Variants in NCR1 observed in about 807,000 individuals in gnomAD.
The protein encoded by NCR1 is NK cell-activating receptor.
Under a neutral mutation model 32.5 loss-of-function variants are expected in NCR1, and 30 were observed. That is an observed-to-expected ratio of 0.92 (90% CI 0.69 to 1.25). The LOEUF is 1.25. Among genes scored for constraint, NCR1 ranks in the 50% most tolerant of loss-of-function variants. The pLI, the probability that NCR1 is intolerant of heterozygous loss-of-function variation, is 0.00. For missense variants in NCR1, 369 were observed against 380.7 expected, an observed-to-expected ratio of 0.97 and a Z score of 0.26; for synonymous variants, 169 against 143.4, an observed-to-expected ratio of 1.18 and a Z score of -1.28.
At chr19:54,931,493 C>T in the NCR1 span, among the ~76,000 whole-genome samples, 14 of 152,042 alleles carry the variant, frequency 9.2e-5, no homozygotes, top group Non-Finnish European at 1.8e-4. Flanking sequence ...AGTTCAAGAC[C>T]AGCCTAAGCA....
At chr19:54,904,107 C>G (rs1332408484), upstream of NCR1, among the ~76,000 whole-genome samples, 1 of 109,082 alleles carries the variant, frequency 9.2e-6, no homozygotes, top group African/African-American at 3.8e-5. Context: ...GCCTGGGCAA[C>G]AGAGCAAGAC....
At chr19:54,919,183 C>T (rs1477581055), downstream of NCR1, among the ~76,000 whole-genome samples, 3 of 151,956 alleles carry the variant, frequency 2.0e-5, no homozygotes, top group African/African-American at 4.8e-5. Flanking sequence ...TCCCTGTGTG[C>T]GGCGACGAGA....
the NCR1 span, among the ~76,000 whole-genome samples, chr19:54,922,293 T>C: frequency 6.6e-6 from 1 of 152,154 alleles, no homozygotes; most frequent in Non-Finnish European, 1.5e-5. Flanking sequence ...AGTGCTAACA[T>C]CATGGTGACA....
chr19:54,930,408 G>A, the NCR1 span: 3 of 877,460 alleles, frequency 3.4e-6, no homozygotes, highest in Non-Finnish European at 3.7e-6. Context: ...GCCGCAGTGA[G>A]CCGTAATCAC....
chr19:54,925,584 T>C, the NCR1 span, among the ~76,000 whole-genome samples: 1 of 152,012 alleles, frequency 6.6e-6, no homozygotes, highest in Non-Finnish European at 1.5e-5. Context: ...GACAGGAGGA[T>C]CGTTTGAAGC....
chr19:54,913,115 C>A, downstream of NCR1: 1 of 355,616 alleles, frequency 2.8e-6, no homozygotes, highest in Non-Finnish European at 5.1e-6. Context: ...TGCAATGGCG[C>A]GATCTTGGCT....
At chr19:54,936,489 G>T in the NCR1 span, 1 of 1,406,156 alleles carries the variant, frequency 7.1e-7, no homozygotes, top group Non-Finnish European at 1.0e-6. Context: ...TTGTGTGGAG[G>T]CATGTATAAA....
chr19:54,930,994 GC>G, the NCR1 span, among the ~76,000 whole-genome samples: 14,387 of 152,030 alleles, frequency 0.095, 1,022 homozygotes, highest in East Asian at 0.36. Flanking sequence ...CTGCACTCCA[GC>G]CCGGGCGACA....
chr19:54,931,659 GCCTGGGC>G, the NCR1 span, among the ~76,000 whole-genome samples: 2 of 72,872 alleles, frequency 2.7e-5, no homozygotes, highest in South Asian at 8.3e-4. Flanking sequence ...TTGCACTCCA[GCCTGGGC>G]AAGAGCGAAA....
upstream of NCR1, among the ~76,000 whole-genome samples, chr19:54,903,419 C>CATATATGTAT (rs2067355344): frequency 7.8e-6 from 1 of 128,614 alleles, no homozygotes; most frequent in East Asian, 2.5e-4. Context: ...TACACGCATA[C>CATATATGTAT]ATGTATGTAT....
At chr19:54,899,542 A>T in the NCR1 span, among the ~76,000 whole-genome samples, 1 of 151,928 alleles carries the variant, frequency 6.6e-6, no homozygotes, top group African/African-American at 2.4e-5. Context: ...TGTGGAAATA[A>T]GGGATCGGGG....
upstream of NCR1, among the ~76,000 whole-genome samples, chr19:54,904,403 A>G (rs1433922828): frequency 1.3e-5 from 2 of 151,986 alleles, no homozygotes; most frequent in African/African-American, 4.8e-5. Context: ...AGTATATTGC[A>G]TGATGCTGAG....
upstream of NCR1, among the ~76,000 whole-genome samples, chr19:54,905,951 G>A (rs747568081): frequency 5.9e-4 from 90 of 152,170 alleles, no homozygotes; most frequent in Non-Finnish European, 9.0e-4. Flanking sequence ...TTTGGGCTGA[G>A]CAGACAATTG....
the NCR1 span, chr19:54,933,694 A>G: frequency 6.2e-7 from 1 of 1,614,216 alleles, no homozygotes; most frequent in East Asian, 2.2e-5. Context: ...CCAAGACAGC[A>G]GCAAGGTCCT....
the NCR1 span, among the ~76,000 whole-genome samples, chr19:54,926,529 C>T: frequency 1.3e-5 from 2 of 152,062 alleles, no homozygotes; most frequent in African/African-American, 4.8e-5. Context: ...CCTGTAATCC[C>T]GGCACTTTGA....
upstream of NCR1, among the ~76,000 whole-genome samples, chr19:54,904,148 GAA>G (rs761880406): frequency 1.0e-4 from 9 of 89,332 alleles, no homozygotes; most frequent in Admixed American, 2.8e-4. Context: ...AAAAAAGAAA[GAA>G]AAAGAAAAAG....
intron 1 of NCR1, 25 bp from the exon 2 acceptor site, chr19:54,906,274 A>G: frequency 6.2e-7 from 1 of 1,614,164 alleles, no homozygotes; most frequent in Non-Finnish European, 8.5e-7. Flanking sequence ...GGGAGGCAAC[A>G]GGTCTCATTA....
chr19:54,934,583 G>C, the NCR1 span: 7 of 1,614,012 alleles, frequency 4.3e-6, no homozygotes, highest in Admixed American at 5.0e-5. This position sits in a 1 kb window ranked among gnomAD's most constrained non-coding sequence, Gnocchi z 6.7. Context: ...AGACGCAGGT[G>C]CTTCAGGGAC....
At chr19:54,910,630 C>T (rs1340573212) in intron 5 of NCR1, among the ~76,000 whole-genome samples, 1 of 152,098 alleles carries the variant, frequency 6.6e-6, no homozygotes, top group Non-Finnish European at 1.5e-5. Flanking sequence ...ATAGTATACA[C>T]AGTGAACTAC....
Sources: gnomAD v4.1 joint callset for allele counts (sites outside exome capture counted in the v4.1 genomes callset) on GRCh38, gnomAD v4.1.1 for gene constraint, Gnocchi (gnomAD v3.1) non-coding constraint, MANE v1.5 for transcripts, NCBI Gene and HGNC (gene_info 2026-07-23, HGNC 2026-07-21) for gene names.